The following ERBB4 variants were observed in gnomAD, a reference collection of about 807,000 sequenced individuals.
ERBB4 encodes erb-b2 receptor tyrosine kinase 4.
Under a neutral mutation model 158.0 loss-of-function variants are expected in ERBB4, and 42 were observed. The ratio of observed to expected loss-of-function variants is 0.27; its 90% CI spans 0.21 to 0.34. ERBB4 has a LOEUF of 0.34. Ranked by LOEUF, ERBB4 falls within the 10% of genes least tolerant of loss-of-function variation. The pLI is 1.00. For synonymous variants in ERBB4, 583 were observed against 558.7 expected (o/e 1.04, Z -0.61); for missense variants, 1,333 against 1,624.1 (o/e 0.82, Z 3.08).
intron 3 of ERBB4, among the ~76,000 whole-genome samples, chr2:211,826,916 C>A (rs1184465079): frequency 6.6e-6 from 1 of 151,848 alleles, no homozygotes; most frequent in Non-Finnish European, 1.5e-5. Context: ...GCAGAGATGG[C>A]TTTTGTAAAG....
chr2:212,448,809 T>C (rs2092402775), intron 1 of ERBB4, among the ~76,000 whole-genome samples: 1 of 152,166 alleles, frequency 6.6e-6, no homozygotes, highest in African/African-American at 2.4e-5. Flanking sequence ...TGTTTATCCA[T>C]CCCAGAAATT....
intron 2 of ERBB4, among the ~76,000 whole-genome samples, chr2:212,080,017 C>A (rs2078388640): frequency 6.6e-6 from 1 of 151,588 alleles, no homozygotes; most frequent in South Asian, 2.1e-4. Context: ...GGAAGGAGCT[C>A]CTCACATAAA....
chr2:211,734,573 T>C (rs1363827996), intron 5 of ERBB4, among the ~76,000 whole-genome samples: 1 of 146,196 alleles, frequency 6.8e-6, no homozygotes, highest in Non-Finnish European at 1.5e-5. Flanking sequence ...GAGGAATTGG[T>C]TAAGTAAATT....
At chr2:211,479,025 G>T (rs1402820778) in intron 20 of ERBB4, among the ~76,000 whole-genome samples, 2 of 152,004 alleles carry the variant, frequency 1.3e-5, no homozygotes, top group Non-Finnish European at 2.9e-5. Context: ...TCCATACTTT[G>T]TTATCTTATC....
intron 1 of ERBB4, among the ~76,000 whole-genome samples, chr2:212,451,472 ACCACCTGTC>A (rs2092445078): frequency 6.6e-6 from 1 of 152,154 alleles, no homozygotes; most frequent in Non-Finnish European, 1.5e-5. Context: ...ATCAGCTATG[ACCACCTGTC>A]CTCATATGTT....
intron 22 of ERBB4, among the ~76,000 whole-genome samples, chr2:211,427,744 A>G (rs2063660684): frequency 1.3e-5 from 2 of 152,090 alleles, no homozygotes; most frequent in South Asian, 4.1e-4. Flanking sequence ...TTTTGTTTGA[A>G]TATTTATTGT....
chr2:212,527,034 C>T (rs938172772), intron 1 of ERBB4, among the ~76,000 whole-genome samples: 2 of 151,946 alleles, frequency 1.3e-5, no homozygotes, highest in African/African-American at 2.4e-5. Context: ...AAAAATCCAG[C>T]GAGTCCAGTA....
intron 19 of ERBB4, among the ~76,000 whole-genome samples, chr2:211,575,707 T>C (rs2067869104): frequency 6.6e-6 from 1 of 152,130 alleles, no homozygotes; most frequent in Admixed American, 6.5e-5. Flanking sequence ...TCGACAAAAT[T>C]AGAAAAATGC....
intron 1 of ERBB4, among the ~76,000 whole-genome samples, chr2:212,316,234 G>C (rs982433692): frequency 6.6e-6 from 1 of 151,104 alleles, no homozygotes; most frequent in Non-Finnish European, 1.5e-5. Flanking sequence ...CTGTTACTTG[G>C]AGTAGTATGG....
chr2:212,025,292 T>C (rs754587225), intron 2 of ERBB4, among the ~76,000 whole-genome samples: 3 of 151,858 alleles, frequency 2.0e-5, no homozygotes, highest in Non-Finnish European at 4.4e-5. Context: ...ATAGTCACCC[T>C]ATTTGCAGCC....
intron 12 of ERBB4, among the ~76,000 whole-genome samples, chr2:211,695,434 T>C (rs998220014): frequency 1.3e-5 from 2 of 152,192 alleles, no homozygotes; most frequent in African/African-American, 4.8e-5. Context: ...ATTTTTCCCC[T>C]GAGCCATTAA....
chr2:212,291,069 T>C (rs1268170421), intron 1 of ERBB4, among the ~76,000 whole-genome samples: 1 of 152,058 alleles, frequency 6.6e-6, no homozygotes, highest in Non-Finnish European at 1.5e-5. Flanking sequence ...CAACACACAT[T>C]GCCCAATAAA....
chr2:211,992,335 C>G (rs977232881), intron 2 of ERBB4, among the ~76,000 whole-genome samples: 1 of 152,142 alleles, frequency 6.6e-6, no homozygotes, highest in African/African-American at 2.4e-5. Context: ...AAAGCAGAAA[C>G]CCCTGATAAA....
At chr2:212,347,841 A>C (rs933279193) in intron 1 of ERBB4, among the ~76,000 whole-genome samples, 4 of 152,130 alleles carry the variant, frequency 2.6e-5, no homozygotes, top group African/African-American at 7.2e-5. Context: ...AATATGAATA[A>C]GTTTTAGTGG....
intron 1 of ERBB4, among the ~76,000 whole-genome samples, chr2:212,235,463 G>A (rs564192142): frequency 4.3e-4 from 65 of 152,138 alleles, no homozygotes; most frequent in African/African-American, 9.2e-4. Flanking sequence ...CTCTTTTTTC[G>A]TTCCATATAA....
chr2:211,750,833 A>G, intron 4 of ERBB4, 129 bp from the exon 5 acceptor site: 2 of 825,978 alleles, frequency 2.4e-6, no homozygotes, highest in South Asian at 2.9e-5. Flanking sequence ...GAGCTGAAAC[A>G]TAGCCCATAA....
Position 212,491,953 on chromosome 2 carries a change from C to T in ERBB4, c.82+46496G>A, listed in dbSNP as rs62186301. Among the ~76,000 whole-genome samples, 551 of 151,468 alleles carry T rather than the reference C, an allele frequency of 3.6e-3. 2 individuals are homozygous for T. Among genetic ancestry groups the T allele is most frequent in the Non-Finnish European group, 6.8e-3 (457 of 67,506 alleles). Reference sequence around the variant, plus strand: ...ACATTCTTTGTTGTACACAATGTTCCATACAAAGACATTTATAAGCAGATT... The same window carrying T: ...ACATTCTTTGTTGTACACAATGTTCTATACAAAGACATTTATAAGCAGATT... On this transcript the variant is annotated intron_variant, in intron 1 of 27. Transcript: ENST00000342788.
chr2:212,229,247 T>G (rs1423016072), intron 1 of ERBB4, among the ~76,000 whole-genome samples: 1 of 152,080 alleles, frequency 6.6e-6, no homozygotes, highest in African/African-American at 2.4e-5. Context: ...AGCAGATAAT[T>G]AGAACAACTA....
intron 2 of ERBB4, among the ~76,000 whole-genome samples, chr2:212,111,645 T>C (rs1262425544): frequency 6.6e-6 from 1 of 150,582 alleles, no homozygotes; most frequent in Non-Finnish European, 1.5e-5. Context: ...TTTTTTTTTA[T>C]AATTAACTCA....
Sources: gnomAD v4.1 joint callset for allele counts (sites outside exome capture counted in the v4.1 genomes callset) on GRCh38, gnomAD v4.1.1 for gene constraint, MANE v1.5 for transcripts, NCBI Gene and HGNC (gene_info 2026-07-23, HGNC 2026-07-21) for gene names.